Variants in P3H2 observed in about 807,000 individuals in gnomAD.
P3H2 encodes leprecan-like 1.
In P3H2, 80 loss-of-function variants were observed where a neutral mutation model predicts 87.0. That is an observed-to-expected ratio of 0.92 (90% confidence interval 0.77 to 1.11). The LOEUF (loss-of-function observed/expected upper bound fraction) is 1.11. Among genes scored for constraint, P3H2 ranks in the 50% least tolerant of loss-of-function variants. The pLI is 0.00. For synonymous variants in P3H2, 367 were observed against 359.3 expected, an observed-to-expected ratio of 1.02 and a Z score of -0.24; for missense variants, 1,001 against 923.9, an observed-to-expected ratio of 1.08 and a Z score of -1.08.
chr3:189,992,809 A>G (rs1214509827), intron 3 of P3H2, among the ~76,000 whole-genome samples: 1 of 152,202 alleles, frequency 6.6e-6, no homozygotes, highest in Non-Finnish European at 1.5e-5. Context: ...TGTGTTGGTT[A>G]TTATTACTAC....
At chr3:189,976,516 C>T (rs1377443602) in intron 8 of P3H2, among the ~76,000 whole-genome samples, 1 of 152,212 alleles carries the variant, frequency 6.6e-6, no homozygotes, top group Non-Finnish European at 1.5e-5. Context: ...CTATCTCCAC[C>T]TGGCCCTGCC....
intron 1 of P3H2, among the ~76,000 whole-genome samples, chr3:190,024,403 C>T (rs1366530018): frequency 3.3e-5 from 5 of 151,276 alleles, no homozygotes; most frequent in Non-Finnish European, 7.4e-5. Flanking sequence ...ATTAGCCAGG[C>T]GCGGTGGCGC....
At chr3:190,086,615 T>C (rs1449228922) in intron 1 of P3H2, among the ~76,000 whole-genome samples, 4 of 152,108 alleles carry the variant, frequency 2.6e-5, no homozygotes, top group African/African-American at 9.7e-5. Flanking sequence ...CACAAATGGT[T>C]AGGACTAGGG....
At chr3:190,121,102 C>G (rs1205051437), upstream of P3H2, 4 of 263,540 alleles carry the variant, frequency 1.5e-5, no homozygotes, top group African/African-American at 9.0e-5. Flanking sequence ...GAGCTCCCTT[C>G]TGGTTGTACA....
intron 1 of P3H2, among the ~76,000 whole-genome samples, chr3:190,020,251 A>C (rs1724894349): frequency 7.4e-6 from 1 of 134,394 alleles, no homozygotes; most frequent in Non-Finnish European, 1.7e-5. Flanking sequence ...TGGATATGAA[A>C]TCAGGAATAA....
intron 8 of P3H2, among the ~76,000 whole-genome samples, chr3:189,979,791 G>C (rs538584126): frequency 6.6e-6 from 1 of 151,322 alleles, no homozygotes; most frequent in East Asian, 2.0e-4. Context: ...GTGAAACCCC[G>C]TCTCTACTAA....
intron 1 of P3H2, among the ~76,000 whole-genome samples, chr3:190,012,545 G>C (rs1724627611): frequency 6.6e-6 from 1 of 152,100 alleles, no homozygotes; most frequent in East Asian, 1.9e-4. Context: ...GATGAATTTT[G>C]TCTCAGTTCC....
Position 189,987,644 on chromosome 3 carries a change from C to T in P3H2, c.981G>A (p.Glu327=), listed in dbSNP as rs1723748493. Residue 327 remains glutamate, a synonymous_variant, in exon 5 of 15, where the codon GAG becomes GAA. Coordinates refer to ENST00000319332, the MANE Select transcript of P3H2 (RefSeq NM_018192.4). The part of the protein sequence containing the change: ...YRVGEYVKAL[E]CAKAYLLCHP... ...GGCATAGAAGATAGGCTTTGGCACA[C>T]TCCAGGGCTTTCACATACTCACCAA... 1.2e-6 allele frequency: 2 copies of T among 1,614,176 alleles called. No homozygotes were observed. The highest frequency in any genetic ancestry group is 1.7e-6 in the Non-Finnish European group (2 of 1,180,032).
At chr3:190,007,959 G>GACACACACAC (rs371622835) in intron 1 of P3H2, among the ~76,000 whole-genome samples, 13 of 100,698 alleles carry the variant, frequency 1.3e-4, no homozygotes, top group African/African-American at 1.5e-4. Flanking sequence ...TCTATTTGTT[G>GACACACACAC]ACACACATAT....
intron 1 of P3H2, among the ~76,000 whole-genome samples, chr3:190,030,866 CA>C (rs1725231036): frequency 6.6e-6 from 1 of 151,992 alleles, no homozygotes; most frequent in South Asian, 2.1e-4. Context: ...TACATAAAAT[CA>C]ATAAATGATG....
chr3:190,120,722 G>C lies in P3H2; in HGVS notation c.10C>G (p.Arg4Gly), dbSNP rs1281423390. The C allele has an allele frequency of 6.6e-7, 1 of 1,520,476 alleles. No homozygotes were observed. The highest frequency in any genetic ancestry group is 1.2e-5 in the South Asian group (1 of 82,076). The allele number at this position is 1,520,476 out of a possible 1,614,324, so 94.2% of individuals were successfully genotyped here. MRE[R>G]IWAPPLLLLL... ...AGCAGCAGCGGCGGCGCCCAGATGC[G>C]CTCCCGCATCCTCCGCCTCAGAGAG... The change falls in exon 1 of 15, where the codon CGC becomes GGC. Residue 4 changes from arginine to glycine, a missense_variant. Physicochemically the swap from Arg to Gly is moderately radical, Grantham distance 125. Coordinates refer to ENST00000319332, the MANE Select transcript of P3H2 (RefSeq NM_018192.4).
rs552623500 is a variant in P3H2, at chr3:190,008,935, A to C, written c.481-13493T>G. Among the ~76,000 whole-genome samples the C allele has an allele frequency of 2.6e-5, 4 of 152,212 alleles. No individual in the cohort carries two copies. The South Asian group carries it at 8.3e-4, about 32-fold the overall frequency. On this transcript the variant is annotated intron_variant, in intron 1 of 14. Transcript: ENST00000319332. The stretch of plus-strand genomic sequence containing the variant: ...TAAGTAAGGGCCCTTAAGAGAAGTA[A>C]AAAGAAATTCTATAAGTATTCAAAG...
intron 8 of P3H2, among the ~76,000 whole-genome samples, chr3:189,975,027 C>A (rs1399043904): frequency 6.6e-6 from 1 of 152,184 alleles, no homozygotes; most frequent in East Asian, 1.9e-4. Flanking sequence ...TTGTTCACAG[C>A]CCCTCATTCA....
chr3:190,066,269 A>G (rs1241442324), intron 1 of P3H2, among the ~76,000 whole-genome samples: 1 of 151,964 alleles, frequency 6.6e-6, no homozygotes, highest in East Asian at 1.9e-4. Flanking sequence ...TATATGTGGT[A>G]TATACATACA....
chr3:190,090,531 G>A (rs1409059991), intron 1 of P3H2, among the ~76,000 whole-genome samples: 8 of 152,092 alleles, frequency 5.3e-5, no homozygotes, highest in Admixed American at 1.3e-4. Context: ...GTGAAACCCC[G>A]TCTCTACTAA....
In P3H2 at chr3:189,963,943, G is replaced by A. The variant is rs376726481; in HGVS notation, c.2034+15C>T. The A allele has an allele frequency of 1.7e-5, 27 of 1,613,812 alleles. No homozygotes were observed. The African/African-American group carries it at 2.0e-4, about 12-fold the overall frequency. Reference sequence around the variant, plus strand: ...AGCAAGCCTAATTGGCTTTCTGGGCGGGTGAGAAACTCACCAATTCTCTAT... The same window carrying A: ...AGCAAGCCTAATTGGCTTTCTGGGCAGGTGAGAAACTCACCAATTCTCTAT... On this transcript the variant is annotated intron_variant, in intron 14 of 14. Coordinates refer to ENST00000319332, the MANE Select transcript of P3H2 (RefSeq NM_018192.4).
At chr3:190,026,489 C>T (rs991902609) in intron 1 of P3H2, among the ~76,000 whole-genome samples, 5 of 152,298 alleles carry the variant, frequency 3.3e-5, no homozygotes, top group Non-Finnish European at 5.9e-5. Flanking sequence ...CGGTCATCCT[C>T]ACTGCTACAC....
intron 4 of P3H2, 112 bp from the exon 5 acceptor site, chr3:189,987,781 G>C (rs1044436999): frequency 3.3e-6 from 4 of 1,230,252 alleles, no homozygotes; most frequent in African/African-American, 3.0e-5. Context: ...GAATAAGAGG[G>C]AAGATAAATT....
intron 8 of P3H2, among the ~76,000 whole-genome samples, chr3:189,979,820 T>C (rs1723472550): frequency 6.6e-6 from 1 of 151,138 alleles, no homozygotes; most frequent in Admixed American, 6.6e-5. Context: ...ATGAAGAAAT[T>C]AGCCTGGCAT....
Sources: allele counts gnomAD v4.1 joint callset (sites outside exome capture counted in the v4.1 genomes callset), GRCh38; gene constraint gnomAD v4.1.1; transcripts MANE v1.5; gene names NCBI Gene and HGNC (gene_info 2026-07-23, HGNC 2026-07-21).